DMD: variants seen among roughly 807,000 people sequenced by gnomAD.
DMD encodes mutant dystrophin.
In DMD, 63 loss-of-function variants were observed where a neutral mutation model predicts 330.1. That is an observed-to-expected ratio of 0.19 (90% CI 0.16 to 0.24). The LOEUF is 0.24. Among genes scored for constraint, DMD ranks in the 10% least tolerant of loss-of-function variants. The pLI is 1.00. For missense variants in DMD, 3,344 were observed against 2,684.1 expected (o/e 1.25, Z -5.43); for synonymous variants, 1,223 against 959.8 (o/e 1.27, Z -5.07).
At chrX:32,342,326 C>A (rs2097748000) in intron 40 of DMD, 44 bp from the exon 41 acceptor site, 1 of 1,173,184 alleles carries the variant, frequency 8.5e-7, no homozygotes, top group Non-Finnish European at 1.2e-6. Context: ...GTTAGCTAAC[C>A]ACATCAACCG....
At chrX:31,569,652 A>ATATACACATATATACGTATATATACG (rs1556698908) in intron 55 of DMD, among the ~76,000 whole-genome samples, 2 of 93,200 alleles carry the variant, frequency 2.1e-5, no homozygotes, top group African/African-American at 8.2e-5. Flanking sequence ...GTATATACGT[A>ATATACACATATATACGTATATATACG]TATATACGTA....
chrX:31,830,957 T>TAA (rs779790484), intron 49 of DMD, among the ~76,000 whole-genome samples: 1 of 112,052 alleles, frequency 8.9e-6, no homozygotes, highest in South Asian at 3.7e-4. Context: ...AGATAAACAC[T>TAA]AAGATACCTA....
chrX:32,477,786 C>G (rs780529923), intron 21 of DMD, among the ~76,000 whole-genome samples: 3 of 110,615 alleles, frequency 2.7e-5, no homozygotes, highest in Non-Finnish European at 5.7e-5. Context: ...GGCACTTAAG[C>G]ATCAGAGAAT....
intron 1 of DMD, among the ~76,000 whole-genome samples, chrX:33,258,237 A>C (rs1189537216): frequency 9.0e-6 from 1 of 111,583 alleles, no homozygotes; most frequent in East Asian, 2.8e-4. Flanking sequence ...GAGTAACTGT[A>C]CTGTCATCCT....
chrX:33,337,951 A>G (rs1284432100), intron 1 of DMD, among the ~76,000 whole-genome samples: 1 of 112,035 alleles, frequency 8.9e-6, no homozygotes, highest in Non-Finnish European at 1.9e-5. Context: ...TTAGATGTAC[A>G]TATATGATAG....
At chrX:31,375,541 G>A (rs1448886892) in intron 60 of DMD, among the ~76,000 whole-genome samples, 1 of 111,633 alleles carries the variant, frequency 9.0e-6, no homozygotes, top group Non-Finnish European at 1.9e-5. Flanking sequence ...GCAGAAAACC[G>A]TGTTCAAGCA....
At chrX:31,911,955 T>G (rs2094553190) in intron 47 of DMD, among the ~76,000 whole-genome samples, 1 of 112,012 alleles carries the variant, frequency 8.9e-6, no homozygotes, top group Non-Finnish European at 1.9e-5. Context: ...ATCGTCATTT[T>G]GAAGTGCCAT....
chrX:33,070,268 A>G (rs949257367), intron 1 of DMD, among the ~76,000 whole-genome samples: 1 of 111,623 alleles, frequency 9.0e-6, no homozygotes, highest in African/African-American at 3.3e-5. Context: ...GCCTATGTAC[A>G]CGCACACATA....
intron 9 of DMD, among the ~76,000 whole-genome samples, chrX:32,653,629 C>T (rs192188335): frequency 0.01 from 1,155 of 111,602 alleles, 8 homozygotes; most frequent in Non-Finnish European, 0.017. Context: ...TAGGATTGAC[C>T]TGGCAATGTG....
chrX:32,512,693 ACT>A (rs1326307122), intron 18 of DMD, among the ~76,000 whole-genome samples: 1 of 112,317 alleles, frequency 8.9e-6, no homozygotes, highest in Non-Finnish European at 1.9e-5. Flanking sequence ...CTTTGTCAAC[ACT>A]CTTCAGACAA....
chrX:31,755,279 C>A (rs905696429), intron 51 of DMD, among the ~76,000 whole-genome samples: 13 of 112,120 alleles, frequency 1.2e-4, no homozygotes, highest in African/African-American at 4.2e-4. Flanking sequence ...CTCTAGCTTG[C>A]TAGGTATAAA....
Position 32,822,136 on chromosome X carries a change from A to G in DMD, c.357+1159T>C, listed in dbSNP as rs770414869. Among the ~76,000 whole-genome samples the G allele has an allele frequency of 3.6e-5, 4 of 112,278 alleles. No homozygotes were observed. The East Asian group carries it at 1.1e-3, about 31-fold the overall frequency. ...GCCTCCAAATTTTTTAAATGAGTGG[A>G]AAACTTTAAGCAATCAATACAAGTC... On this transcript the variant is annotated intron_variant, in intron 5 of 78. Transcript: ENST00000357033.
At chrX:32,213,657 G>C (rs183454202) in intron 44 of DMD, among the ~76,000 whole-genome samples, 1 of 111,974 alleles carries the variant, frequency 8.9e-6, no homozygotes, top group Non-Finnish European at 1.9e-5. Flanking sequence ...AGAAAAAATA[G>C]ACTAAATAAA....
At chrX:31,892,469 A>G (rs1269443157) in intron 47 of DMD, among the ~76,000 whole-genome samples, 1 of 103,758 alleles carries the variant, frequency 9.6e-6, no homozygotes, top group Non-Finnish European at 2.0e-5. Context: ...CATAGTACTG[A>G]AAAAAAAAAA....
intron 50 of DMD, among the ~76,000 whole-genome samples, chrX:31,811,790 G>C (rs1169548647): frequency 9.0e-6 from 1 of 111,407 alleles, no homozygotes; most frequent in Non-Finnish European, 1.9e-5. Context: ...AAATTTATTT[G>C]CCTAATCCTA....
At chrX:31,393,764 A>G (rs1343303968) in intron 60 of DMD, among the ~76,000 whole-genome samples, 1 of 111,818 alleles carries the variant, frequency 8.9e-6, no homozygotes, top group Non-Finnish European at 1.9e-5. Flanking sequence ...AGTTGTTAGT[A>G]AGTGGTGAAG....
At chrX:33,175,295 A>G (rs767669228) in intron 1 of DMD, among the ~76,000 whole-genome samples, 3 of 112,414 alleles carry the variant, frequency 2.7e-5, no homozygotes, top group South Asian at 7.3e-4. Context: ...AAATCACCCC[A>G]TGTGGGATAA....
chrX:31,685,341 T>C (rs1254639151), intron 52 of DMD, among the ~76,000 whole-genome samples: 1 of 111,833 alleles, frequency 8.9e-6, no homozygotes, highest in Non-Finnish European at 1.9e-5. Flanking sequence ...TGGCCACGCC[T>C]GGTTACATCC....
intron 52 of DMD, among the ~76,000 whole-genome samples, chrX:31,685,542 C>T (rs2082632470): frequency 8.9e-6 from 1 of 112,206 alleles, no homozygotes; most frequent in Admixed American, 9.4e-5. Flanking sequence ...CTATGATTTA[C>T]ATTTTTACAT....
Sources: gnomAD v4.1 joint callset for allele counts (sites outside exome capture counted in the v4.1 genomes callset) on GRCh38, gnomAD v4.1.1 for gene constraint, MANE v1.5 for transcripts, NCBI Gene and HGNC (gene_info 2026-07-23, HGNC 2026-07-21) for gene names.